Variants in SAXO1 observed in about 807,000 individuals in gnomAD.
SAXO1 encodes 4930500O09Rik.
Under a neutral mutation model 17.5 loss-of-function variants are expected in SAXO1, and 21 were observed. That is an observed-to-expected ratio of 1.20 (90% confidence interval 0.85 to 1.72). The LOEUF (loss-of-function observed/expected upper bound fraction) is 1.72. Among genes scored for constraint, SAXO1 ranks in the 40% most tolerant of loss-of-function variants. The probability of loss-of-function intolerance (pLI) is 0.00; values close to 1 mark genes in which losing one functional copy is unlikely to be tolerated. For synonymous variants in SAXO1, 274 were observed against 216.5 expected (o/e 1.27, Z -2.33); for missense variants, 843 against 596.0 (o/e 1.41, Z -4.32).
chr9:18,955,049 A>C (rs1832201665), intron 1 of SAXO1, among the ~76,000 whole-genome samples: 1 of 152,196 alleles, frequency 6.6e-6, no homozygotes, highest in Non-Finnish European at 1.5e-5. Context: ...GGGTAAAAAA[A>C]AGCCAGGCAT....
chr9:18,987,318 A>G (rs536485889), intron 1 of SAXO1, among the ~76,000 whole-genome samples: 12 of 152,358 alleles, frequency 7.9e-5, no homozygotes, highest in Non-Finnish European at 1.6e-4. Flanking sequence ...CCAAGATGAC[A>G]GAACTGCAGG....
chr9:18,928,431 C>G lies in SAXO1; in HGVS notation c.1046G>C (p.Ser349Thr), dbSNP rs1432828584. The G allele has an allele frequency of 6.8e-6, 11 of 1,608,360 alleles. No individual in the cohort carries two copies. Among genetic ancestry groups the G allele is most frequent in the Non-Finnish European group, 9.3e-6 (11 of 1,176,660 alleles). The change falls in exon 4 of 4, where the codon AGC (serine) becomes ACC (threonine). Residue 349 changes from serine (S) to threonine (T), a missense_variant. By Grantham distance (58) the Ser-to-Thr change is moderately conservative. Coordinates refer to ENST00000380534, the MANE Select transcript of SAXO1 (RefSeq NM_153707.4). Reference protein sequence around the residue: ...TTKDDYKQWSSMRTEPVKPVP... With the variant: ...TTKDDYKQWSTMRTEPVKPVP... ...GGGCTTGACTGGCTCTGTGCGCATGCTGGACCACTGCTTGTAGTCATCCTT... is the reference window on the plus strand; with the variant it reads ...GGGCTTGACTGGCTCTGTGCGCATGGTGGACCACTGCTTGTAGTCATCCTT...
intron 1 of SAXO1, among the ~76,000 whole-genome samples, chr9:18,977,122 T>C (rs1039274128): frequency 6.6e-6 from 1 of 152,246 alleles, no homozygotes; most frequent in African/African-American, 2.4e-5. Flanking sequence ...CCCGCTGTGG[T>C]TGCCTTCTCT....
intron 1 of SAXO1, among the ~76,000 whole-genome samples, chr9:18,971,534 C>T (rs539128622): frequency 6.6e-6 from 1 of 152,148 alleles, no homozygotes; most frequent in African/African-American, 2.4e-5. Context: ...CCTCTGAGTA[C>T]CAAAAATATT....
intron 3 of SAXO1, among the ~76,000 whole-genome samples, chr9:18,932,403 T>C (rs1482288116): frequency 2.6e-5 from 4 of 152,250 alleles, no homozygotes; most frequent in Admixed American, 2.6e-4. Flanking sequence ...TGTCTTTGTG[T>C]CAGTATAACT....
chr9:19,040,822 G>A (rs1181268528), intron 1 of SAXO1, among the ~76,000 whole-genome samples: 1 of 152,066 alleles, frequency 6.6e-6, no homozygotes, highest in Non-Finnish European at 1.5e-5. Context: ...AGGGAGAAGG[G>A]AACTTTTGGG....
intron 1 of SAXO1, among the ~76,000 whole-genome samples, chr9:18,967,675 T>C (rs1467033787): frequency 6.6e-6 from 1 of 152,198 alleles, no homozygotes; most frequent in South Asian, 2.1e-4. Context: ...TCTTAGCTTG[T>C]TGGGCTCCAT....
At chr9:18,975,136 C>T (rs1833087961) in intron 1 of SAXO1, among the ~76,000 whole-genome samples, 1 of 152,044 alleles carries the variant, frequency 6.6e-6, no homozygotes, top group Admixed American at 6.6e-5. Context: ...AAGAGATTTC[C>T]AGGGGAAGTT....
intron 1 of SAXO1, among the ~76,000 whole-genome samples, chr9:19,024,296 T>TC (rs1306403828): frequency 1.3e-5 from 2 of 151,780 alleles, no homozygotes; most frequent in Non-Finnish European, 2.9e-5. Context: ...GGGCCTGTGC[T>TC]CCTCTCCCGC....
At chr9:18,947,943 C>G (rs1275888266) in intron 2 of SAXO1, among the ~76,000 whole-genome samples, 2 of 152,130 alleles carry the variant, frequency 1.3e-5, no homozygotes, top group Non-Finnish European at 2.9e-5. Flanking sequence ...CCAGCAAAGC[C>G]CTGGACCACG....
At chr9:18,944,497 A>G (rs1588419472) in intron 2 of SAXO1, among the ~76,000 whole-genome samples, 1 of 152,338 alleles carries the variant, frequency 6.6e-6, no homozygotes, top group South Asian at 2.1e-4. Flanking sequence ...CTTTTTAAGA[A>G]CACTGGATCT....
chr9:18,947,179 T>C (rs970566148), intron 2 of SAXO1, among the ~76,000 whole-genome samples: 4 of 152,236 alleles, frequency 2.6e-5, no homozygotes, highest in African/African-American at 9.6e-5. Context: ...GCTAAGTATA[T>C]GCCCAGTGGT....
At chr9:18,986,503 T>G (rs1043922094) in intron 1 of SAXO1, among the ~76,000 whole-genome samples, 4 of 152,086 alleles carry the variant, frequency 2.6e-5, no homozygotes, top group Non-Finnish European at 5.9e-5. Flanking sequence ...AGATTTAAGA[T>G]GAATGATAGT....
chr9:18,995,152 C>G (rs10811085), intron 1 of SAXO1, among the ~76,000 whole-genome samples: 5 of 151,970 alleles, frequency 3.3e-5, no homozygotes, highest in African/African-American at 1.2e-4. Flanking sequence ...TTTTCTCCCC[C>G]CAAAAATACC....
chr9:19,034,222 G>A (rs1160450093), upstream of SAXO1, among the ~76,000 whole-genome samples: 2 of 152,114 alleles, frequency 1.3e-5, no homozygotes, highest in Admixed American at 6.5e-5. Flanking sequence ...GAGTCAGTCA[G>A]AGGCATCTTG....
At chr9:18,989,709 T>C (rs111253699) in intron 1 of SAXO1, among the ~76,000 whole-genome samples, 75 of 152,236 alleles carry the variant, frequency 4.9e-4, no homozygotes, top group African/African-American at 1.6e-3. Context: ...CTTCAGACCA[T>C]GTTGAAATAA....
intron 2 of SAXO1, among the ~76,000 whole-genome samples, chr9:18,950,040 C>A (rs1005351234): frequency 6.6e-6 from 1 of 152,122 alleles, no homozygotes; most frequent in Non-Finnish European, 1.5e-5. Flanking sequence ...TCACAGGTCA[C>A]TAACTGAGTT....
At chr9:18,957,069 C>T (rs989756684) in intron 1 of SAXO1, among the ~76,000 whole-genome samples, 2 of 152,306 alleles carry the variant, frequency 1.3e-5, no homozygotes, top group East Asian at 3.9e-4. Context: ...TTTCTGGCTG[C>T]TCCGATAAAC....
At chr9:19,046,159 A>G (rs934745529) in intron 1 of SAXO1, among the ~76,000 whole-genome samples, 8 of 151,930 alleles carry the variant, frequency 5.3e-5, no homozygotes, top group Non-Finnish European at 1.0e-4. Context: ...CCAAGACTAA[A>G]CGGGATAAAA....
Sources: gnomAD v4.1 joint callset for allele counts (sites outside exome capture counted in the v4.1 genomes callset) on GRCh38, gnomAD v4.1.1 for gene constraint, MANE v1.5 for transcripts, NCBI Gene and HGNC (gene_info 2026-07-23, HGNC 2026-07-21) for gene names.